DHX40: variants seen among roughly 807,000 people sequenced by gnomAD.
DHX40 encodes probable ATP-dependent RNA helicase DHX40.
A neutral mutation model predicts 89.6 loss-of-function variants in DHX40; 28 were observed. That is an observed-to-expected ratio of 0.31 (90% CI 0.23 to 0.43). DHX40 has a LOEUF of 0.43. DHX40 is among the 20% of genes least tolerant of loss of function. The pLI is 1.00. For missense variants in DHX40, 457 were observed against 844.0 expected (o/e 0.54, Z 5.68); for synonymous variants, 226 against 283.6 (o/e 0.80, Z 2.04).
At chr17:59,602,935 A>G (rs2143365136) in intron 15 of DHX40, among the ~76,000 whole-genome samples, 1 of 152,270 alleles carries the variant, frequency 6.6e-6, no homozygotes, top group South Asian at 2.1e-4. Flanking sequence ...AAGTAGGTTG[A>G]GCATAGCATC....
chr17:59,586,872 G>C (rs2049005286), intron 11 of DHX40, among the ~76,000 whole-genome samples: 1 of 151,746 alleles, frequency 6.6e-6, no homozygotes, highest in East Asian at 2.0e-4. Flanking sequence ...TTATTCTCTT[G>C]GATGTGCGTG....
intron 8 of DHX40, among the ~76,000 whole-genome samples, chr17:59,577,708 C>T (rs2048904860): frequency 6.6e-6 from 1 of 152,078 alleles, no homozygotes; most frequent in Non-Finnish European, 1.5e-5. Context: ...CCGCCTCAGT[C>T]TCCTGGGTAG....
intron 14 of DHX40, among the ~76,000 whole-genome samples, chr17:59,599,885 G>A (rs1194305196): frequency 1.3e-5 from 2 of 148,438 alleles, no homozygotes; most frequent in African/African-American, 2.5e-5. Flanking sequence ...GTGCAGTGGC[G>A]TGATCTCGGC....
At position 59,565,765 on chromosome 17, in the gene DHX40, G is replaced by T; in HGVS notation, c.94G>T (p.Val32Phe). Residue 32 changes from valine to phenylalanine, a missense_variant, in exon 1 of 18, where the codon GTT becomes TTT. Val to Phe is a conservative substitution (Grantham distance 50). Around this residue, in one of 9 missense-constraint regions of DHX40, gnomAD observed 75 missense variants for 76.8 expected, o/e 0.98. Transcript: ENST00000251241. Reference protein sequence around the residue: ...RDLQEERLSAVCIADREEKGC... With the variant: ...RDLQEERLSAFCIADREEKGC... ...CCTCCAGGAAGAGCGGCTCTCGGCT[G>T]TTTGCATCGCCGATAGAGGTGCGGT... 6.2e-7 allele frequency: 1 copy of T among 1,603,982 alleles called. No individual in the cohort carries two copies. Among genetic ancestry groups the T allele is most frequent in the Non-Finnish European group, 8.5e-7 (1 of 1,178,830 alleles).
intron 12 of DHX40, among the ~76,000 whole-genome samples, chr17:59,598,498 A>C (rs1050431046): frequency 3.3e-4 from 50 of 152,136 alleles, no homozygotes; most frequent in African/African-American, 1.2e-3. Context: ...TATTTTTAAA[A>C]GGCAAATAGA....
chr17:59,608,341 C>G lies in DHX40; in HGVS notation c.*1169C>G, dbSNP rs1476205297. ...TAAAGCTATTAGTGTCATTAAAATT[C>G]AAAAGACAGTATAATGTGTGTTTTT... On this transcript the variant is annotated 3_prime_UTR_variant, in exon 18 of 18. Coordinates refer to ENST00000251241, the MANE Select transcript of DHX40 (RefSeq NM_024612.5). 1 of 152,540 alleles carries G rather than the reference C, an allele frequency of 6.6e-6. No individual in the cohort carries two copies. Among genetic ancestry groups the G allele is most frequent in the Non-Finnish European group, 1.5e-5 (1 of 68,034 alleles). 9.4% of individuals were successfully genotyped at this position (152,540 alleles called of 1,614,324 possible). A position where few individuals can be genotyped will look rare whatever the true frequency, so the allele number is the denominator to read the frequency against.
At chr17:59,600,927 G>A (rs772121491) in intron 14 of DHX40, among the ~76,000 whole-genome samples, 31 of 146,252 alleles carry the variant, frequency 2.1e-4, no homozygotes, top group Non-Finnish European at 4.0e-4. Context: ...ACAATGTTGT[G>A]CAGCCCTTAC....
At chr17:59,587,304 A>G (rs962083250) in intron 11 of DHX40, among the ~76,000 whole-genome samples, 7 of 151,114 alleles carry the variant, frequency 4.6e-5, no homozygotes, top group Non-Finnish European at 7.4e-5. Flanking sequence ...CCTCACTGCA[A>G]TCTCCACCTC....
intron 12 of DHX40, among the ~76,000 whole-genome samples, chr17:59,590,396 C>T (rs2049064647): frequency 6.7e-6 from 1 of 149,364 alleles, no homozygotes. Flanking sequence ...ATGGAGGATA[C>T]ATTTTTCTAT....
At chr17:59,570,773 T>G in intron 3 of DHX40, 110 bp downstream of exon 3, 3 of 1,177,880 alleles carry the variant, frequency 2.5e-6, no homozygotes. Flanking sequence ...AGCCTCTACC[T>G]TCTGGGCTCA....
rs371749406 is a variant in DHX40 at position 59,577,268 on chromosome 17, C to G, written c.976C>G (p.Gln326Glu). The G allele has an allele frequency of 6.2e-7, 1 of 1,612,136 alleles. No individual in the cohort carries two copies. The highest frequency in any genetic ancestry group is 8.5e-7 in the Non-Finnish European group (1 of 1,178,488). The change falls in exon 8 of 18, where the codon CAA becomes GAA. Residue 326 changes from glutamine to glutamate, a missense_variant and splice_region_variant. Gln to Glu is a conservative substitution (Grantham distance 29). Around this residue, in one of 9 missense-constraint regions of DHX40, gnomAD observed 116 missense variants for 188.9 expected, o/e 0.61. Coordinates refer to ENST00000251241, the MANE Select transcript of DHX40 (RefSeq NM_024612.5). ...LPCYGSMTTD[Q>E]QRRIFLPPPP... is the part of the protein sequence containing the mutation. ...TTTTCTTTTTATATATACTTCAGAT[C>G]AACAGAGGAGGATATTTTTGCCACC...
In DHX40 at chr17:59,580,769, AAC is replaced by A. The variant is rs576457838; in HGVS notation, c.1343+892_1343+893del. On this transcript the variant is annotated intron_variant, in intron 10 of 17. Coordinates refer to ENST00000251241, the MANE Select transcript of DHX40 (RefSeq NM_024612.5). ...TGCACCACTGCGGTCCAGCCTGGGC[AAC>A]AGAGTGAGACCCTGTTTCAAAAGAA... 4.5e-3 allele frequency among the ~76,000 whole-genome samples: 684 copies of A among 151,176 alleles called. 3 individuals are homozygous for A. Among genetic ancestry groups the A allele is most frequent in the African/African-American group, 0.015 (625 of 40,790 alleles).
At position 59,565,653 on chromosome 17, in the gene DHX40, T is replaced by C. The variant is rs760544456; in HGVS notation, c.-19T>C. The C allele has an allele frequency of 1.9e-6, 3 of 1,593,366 alleles. No homozygotes were observed. The highest frequency in any genetic ancestry group is 2.6e-6 in the Non-Finnish European group (3 of 1,175,688). ...CCTCAGATCGGTGGACGTGCTCGCC[T>C]CCACTCGGGGCCAGGTCTATGTCCC... On this transcript the variant is annotated 5_prime_UTR_variant, in exon 1 of 18. Transcript: ENST00000251241.
intron 11 of DHX40, 108 bp downstream of exon 11, chr17:59,586,341 T>C: frequency 1.0e-6 from 1 of 980,586 alleles, no homozygotes; most frequent in Admixed American, 2.7e-5. Flanking sequence ...TTAAATTGAA[T>C]GGATTGTTAG....
intron 12 of DHX40, among the ~76,000 whole-genome samples, chr17:59,591,258 T>C (rs2049077939): frequency 6.6e-6 from 1 of 151,194 alleles, no homozygotes; most frequent in Non-Finnish European, 1.5e-5. Context: ...TGAGCTGAGA[T>C]CGTGCCACTG....
intron 8 of DHX40, among the ~76,000 whole-genome samples, chr17:59,577,729 A>C (rs2048905111): frequency 6.6e-6 from 1 of 152,138 alleles, no homozygotes; most frequent in Non-Finnish European, 1.5e-5. Context: ...CTGGGACCAC[A>C]GGCATGTGTC....
intron 11 of DHX40, among the ~76,000 whole-genome samples, chr17:59,586,527 G>A (rs566422628): frequency 1.3e-4 from 19 of 151,810 alleles, no homozygotes; most frequent in Admixed American, 3.9e-4. Context: ...TTAGCTGGGC[G>A]TGGTGGTGGG....
At chr17:59,569,692 G>A (rs1013838318) in intron 2 of DHX40, among the ~76,000 whole-genome samples, 66 of 133,862 alleles carry the variant, frequency 4.9e-4, no homozygotes, top group African/African-American at 2.0e-3. Context: ...TCTCAAAAAA[G>A]AAAAAAATAT....
chr17:59,598,966 G>A, intron 13 of DHX40, 115 bp downstream of exon 13: 2 of 597,376 alleles, frequency 3.3e-6, no homozygotes, highest in Non-Finnish European at 6.1e-6. Flanking sequence ...TGACTTCAAG[G>A]TATTTTGAAT....
Sources: allele counts gnomAD v4.1 joint callset (sites outside exome capture counted in the v4.1 genomes callset), GRCh38; gene constraint gnomAD v4.1.1; regional missense constraint gnomAD v4.1.1; transcripts MANE v1.5; gene names NCBI Gene and HGNC (gene_info 2026-07-23, HGNC 2026-07-21).